PTPN12: variants seen among roughly 807,000 people sequenced by gnomAD.
The protein encoded by PTPN12 is tyrosine-protein phosphatase non-receptor type 12.
Under a neutral mutation model 97.6 loss-of-function variants are expected in PTPN12, and 29 were observed. That is an observed-to-expected ratio of 0.30 (90% CI 0.22 to 0.41). The LOEUF (loss-of-function observed/expected upper bound fraction) is 0.41. PTPN12 is among the 10% of genes least tolerant of loss of function. The pLI is 1.00. For synonymous variants in PTPN12, 327 were observed against 300.4 expected (o/e 1.09, Z -0.91); for missense variants, 819 against 926.0 (o/e 0.88, Z 1.50).
At chr7:77,590,799 A>T (rs1453564188) in intron 5 of PTPN12, among the ~76,000 whole-genome samples, 1 of 151,972 alleles carries the variant, frequency 6.6e-6, no homozygotes, top group Non-Finnish European at 1.5e-5. Flanking sequence ...CCTTGCCTTA[A>T]GTCATCCACC....
chr7:77,601,622 C>T (rs1429795635), intron 8 of PTPN12, among the ~76,000 whole-genome samples: 1 of 151,918 alleles, frequency 6.6e-6, no homozygotes, highest in African/African-American at 2.4e-5. Flanking sequence ...AAATCACTGC[C>T]AATTATAAGG....
Position 77,537,430 on chromosome 7 carries a change from C to CG in PTPN12, c.-113dup, listed in dbSNP as rs1806705012. On this transcript the variant is annotated 5_prime_UTR_variant, in exon 1 of 18. Coordinates refer to ENST00000248594, the MANE Select transcript of PTPN12 (RefSeq NM_002835.4). ...AGGAGGAGGGAGCCGCGGGGCTTGG[C>CG]GGGGTCGGGAGGGAGGGACGTGCTG... 9.1e-7 allele frequency: 1 copy of CG among 1,099,478 alleles called. No homozygotes were observed. The highest frequency in any genetic ancestry group is 1.1e-6 in the Non-Finnish European group (1 of 899,346). 68.1% of individuals were successfully genotyped at this position (1,099,478 alleles called of 1,614,324 possible).
chr7:77,628,286 A>AT (rs1257489910), intron 13 of PTPN12, among the ~76,000 whole-genome samples: 8 of 152,140 alleles, frequency 5.3e-5, no homozygotes, highest in African/African-American at 1.4e-4. Context: ...AAGAATTATT[A>AT]TTTTTTTAGC....
chr7:77,567,053 A>G (rs1808294571), intron 1 of PTPN12, among the ~76,000 whole-genome samples: 1 of 152,154 alleles, frequency 6.6e-6, no homozygotes, highest in Middle Eastern at 3.4e-3. Flanking sequence ...CTTTCTTAGT[A>G]ATAGCTTCAT....
chr7:77,585,407 T>C, intron 4 of PTPN12, 136 bp from the exon 5 acceptor site: 1 of 641,742 alleles, frequency 1.6e-6, no homozygotes, highest in Non-Finnish European at 2.7e-6. Context: ...CTTACACATT[T>C]AATATTGAAA....
In PTPN12 at chr7:77,639,419, T is replaced by G; in HGVS notation, c.*139T>G. 1.6e-6 allele frequency: 1 copy of G among 640,006 alleles called. No homozygotes were observed. The highest frequency in any genetic ancestry group is 2.7e-6 in the Non-Finnish European group (1 of 375,516). The allele number at this position is 640,006 out of a possible 1,614,324, so 39.6% of individuals were successfully genotyped here. A position where few individuals can be genotyped will look rare whatever the true frequency, so the allele number is the denominator to read the frequency against. The stretch of plus-strand genomic sequence containing the variant: ...ACCTTAATATTTTTTGCTGGGACCA[T>G]CTACCTGCCTTATACTACACTTAGG... On this transcript the variant is annotated 3_prime_UTR_variant, in exon 18 of 18. Transcript: ENST00000248594.
chr7:77,557,405 T>C (rs1177007708), intron 1 of PTPN12, among the ~76,000 whole-genome samples: 1 of 152,232 alleles, frequency 6.6e-6, no homozygotes, highest in Non-Finnish European at 1.5e-5. Context: ...ATTCACCTTC[T>C]GTCTCTCCAG....
At chr7:77,592,116 C>A in intron 5 of PTPN12, 69 bp from the exon 6 acceptor site, 1 of 1,373,078 alleles carries the variant, frequency 7.3e-7, no homozygotes, top group Non-Finnish European at 1.0e-6. Context: ...CCTCAGGACA[C>A]AAAATATTTA....
chr7:77,581,032 G>A (rs1787497922), intron 2 of PTPN12, among the ~76,000 whole-genome samples: 2 of 148,886 alleles, frequency 1.3e-5, no homozygotes, highest in Non-Finnish European at 3.0e-5. Flanking sequence ...CACTGGTGGT[G>A]GTGTTTTTTT....
chr7:77,588,783 G>T (rs557771714), intron 5 of PTPN12, among the ~76,000 whole-genome samples: 1 of 152,096 alleles, frequency 6.6e-6, no homozygotes, highest in Non-Finnish European at 1.5e-5. Flanking sequence ...AAATAGAGAG[G>T]TATTTTTAAA....
intron 17 of PTPN12, 49 bp downstream of exon 17, chr7:77,638,780 AATGAGAAAAG>A: frequency 1.3e-6 from 2 of 1,550,306 alleles, no homozygotes; most frequent in Non-Finnish European, 1.7e-6. Context: ...CACTGGCAGG[AATGAGAAAAG>A]CTCATTTGCC....
chr7:77,611,397 A>G (rs1788564610), intron 11 of PTPN12, among the ~76,000 whole-genome samples: 3 of 152,046 alleles, frequency 2.0e-5, no homozygotes. Flanking sequence ...TTCTACTTGA[A>G]TTTCATTTTG....
intron 6 of PTPN12, 175 bp downstream of exon 6, chr7:77,592,431 G>A (rs1452089146): frequency 4.1e-6 from 2 of 482,100 alleles, no homozygotes; most frequent in Admixed American, 4.0e-5. Flanking sequence ...GAAGCTTTTG[G>A]GTTGACTTCA....
rs775712037 is a variant in PTPN12, at chr7:77,625,472, GCTCTCTCTCTCT to G, written c.1026-1193_1026-1182del. Among the ~76,000 whole-genome samples the G allele has an allele frequency of 5.2e-3, 176 of 33,528 alleles. 3 individuals carry two copies. The highest frequency in any genetic ancestry group is 0.021 in the South Asian group (15 of 716). 22.0% of individuals were successfully genotyped at this position (33,528 alleles called of 152,430 possible). Reference sequence around the variant, plus strand: ...TTTTGCCATATTGCCCAGGCTGCTCGCTCTCTCTCTCTCTCTCTCTCTCTCTCTCTCTCTCTC... The same window carrying G: ...TTTTGCCATATTGCCCAGGCTGCTCGCTCTCTCTCTCTCTCTCTCTCTCTC... On this transcript the variant is annotated intron_variant, in intron 12 of 17. Coordinates refer to ENST00000248594, the MANE Select transcript of PTPN12 (RefSeq NM_002835.4).
At chr7:77,583,860 A>T (rs1787600912) in intron 4 of PTPN12, 3 of 401,756 alleles carry the variant, frequency 7.5e-6, no homozygotes, top group Non-Finnish European at 4.5e-6. Flanking sequence ...TGTGATAATA[A>T]TTTAAATCTT....
intron 11 of PTPN12, 116 bp from the exon 12 acceptor site, chr7:77,618,364 C>A: frequency 6.5e-6 from 4 of 619,192 alleles, no homozygotes; most frequent in Admixed American, 3.0e-5. Flanking sequence ...TTTTTTTTAA[C>A]TTGGCAAAAT....
intron 2 of PTPN12, among the ~76,000 whole-genome samples, chr7:77,577,101 T>A (rs1787367775): frequency 6.6e-6 from 1 of 152,210 alleles, no homozygotes. Context: ...CACCCCTTCT[T>A]TGCTCTATGG....
At chr7:77,566,827 G>T (rs945875249) in intron 1 of PTPN12, among the ~76,000 whole-genome samples, 3 of 151,992 alleles carry the variant, frequency 2.0e-5, no homozygotes, top group Admixed American at 6.6e-5. Flanking sequence ...GGTGTGGTGG[G>T]TACCTATAAC....
chr7:77,592,036 T>A (rs758502495), intron 5 of PTPN12, 149 bp from the exon 6 acceptor site: 1 of 669,520 alleles, frequency 1.5e-6, no homozygotes, highest in African/African-American at 1.9e-5. Flanking sequence ...ACTGGGTAAA[T>A]CTAAGCTCTC....
Sources: allele counts gnomAD v4.1 joint callset (sites outside exome capture counted in the v4.1 genomes callset), GRCh38; gene constraint gnomAD v4.1.1; transcripts MANE v1.5; gene names NCBI Gene and HGNC (gene_info 2026-07-23, HGNC 2026-07-21).